GSG1L: variants seen among roughly 807,000 people sequenced by gnomAD.
The protein encoded by GSG1L is GSG1 like, also known as germ cell-specific gene 1-like protein.
Under a neutral mutation model 42.1 loss-of-function variants are expected in GSG1L, and 24 were observed. The ratio of observed to expected loss-of-function variants is 0.57; its 90% CI spans 0.41 to 0.80. The LOEUF is 0.80. Ranked by LOEUF, GSG1L falls within the 30% of genes least tolerant of loss-of-function variation. The pLI, the probability that GSG1L is intolerant of heterozygous loss-of-function variation, is 0.00. For synonymous variants in GSG1L, 215 were observed against 203.5 expected (o/e 1.06, Z -0.48); for missense variants, 445 against 472.2 (o/e 0.94, Z 0.53).
chr16:28,031,178 G>T, intron 1 of GSG1L, among the ~76,000 whole-genome samples: 1 of 146,958 alleles, frequency 6.8e-6, no homozygotes, highest in Non-Finnish European at 1.5e-5. Flanking sequence ...GGAATGGGAT[G>T]GGATGGTTTG....
intron 6 of GSG1L, among the ~76,000 whole-genome samples, chr16:27,796,477 G>A (rs2082819282): frequency 6.6e-6 from 1 of 152,210 alleles, no homozygotes; most frequent in Admixed American, 6.5e-5. Context: ...TTGCCTTTGA[G>A]GCATGTGTCA....
chr16:27,976,153 T>C (rs908575162), intron 1 of GSG1L, among the ~76,000 whole-genome samples: 1 of 152,126 alleles, frequency 6.6e-6, no homozygotes, highest in African/African-American at 2.4e-5. Context: ...TGCACGCCTG[T>C]AATCCCGGCT....
chr16:27,859,841 AT>A (rs576791634), intron 3 of GSG1L, among the ~76,000 whole-genome samples: 154 of 141,634 alleles, frequency 1.1e-3, no homozygotes, highest in South Asian at 2.3e-3. Flanking sequence ...ATGCCCAGCT[AT>A]TTTTTTTTTT....
intron 1 of GSG1L, among the ~76,000 whole-genome samples, chr16:27,970,174 TGAC>T (rs900171663): frequency 2.0e-5 from 3 of 152,248 alleles, no homozygotes; most frequent in Non-Finnish European, 4.4e-5. Context: ...ACTTTCTTGA[TGAC>T]ATCCTTTGAA....
chr16:27,854,959 TACCCC>T (rs2083558734), intron 3 of GSG1L, among the ~76,000 whole-genome samples: 1 of 152,170 alleles, frequency 6.6e-6, no homozygotes, highest in Non-Finnish European at 1.5e-5. Context: ...TCTACATTTC[TACCCC>T]AGAAATTCAC....
At chr16:28,011,974 T>A (rs555698134) in intron 1 of GSG1L, among the ~76,000 whole-genome samples, 3 of 151,808 alleles carry the variant, frequency 2.0e-5, no homozygotes, top group Non-Finnish European at 4.4e-5. Context: ...TGACCTAGGG[T>A]GACATTCTAA....
Position 27,790,349 on chromosome 16 carries a change from T to C in GSG1L, c.*1021A>G, listed in dbSNP as rs1280048755. ...AATTCTTCTGGGAAGGAATAAGGCCTCTTGGGAAATGACTGAACTTGGAGT... is the reference window on the plus strand; with the variant it reads ...AATTCTTCTGGGAAGGAATAAGGCCCCTTGGGAAATGACTGAACTTGGAGT... On this transcript the variant is annotated 3_prime_UTR_variant, in exon 7 of 7. Coordinates refer to ENST00000447459, the MANE Select transcript of GSG1L (RefSeq NM_001109763.2). The C allele has an allele frequency of 6.6e-6, 1 of 152,218 alleles. No homozygotes were observed. Among genetic ancestry groups the C allele is most frequent in the Non-Finnish European group, 1.5e-5 (1 of 68,032 alleles). The allele number at this position is 152,218 out of a possible 1,614,324, so 9.4% of individuals were successfully genotyped here. A position where few individuals can be genotyped will look rare whatever the true frequency, so the allele number is the denominator to read the frequency against.
chr16:28,027,546 G>A (rs1293632613), intron 1 of GSG1L, among the ~76,000 whole-genome samples: 2 of 152,182 alleles, frequency 1.3e-5, no homozygotes, highest in African/African-American at 4.8e-5. Flanking sequence ...AATGTGACTG[G>A]TACAAATGAG....
At chr16:28,023,011 G>T (rs205378) in intron 1 of GSG1L, among the ~76,000 whole-genome samples, 32,128 of 151,860 alleles carry the variant, frequency 0.21, 3,798 homozygotes, top group South Asian at 0.48. Context: ...AATATATATA[G>T]AGAGATGAGG....
intron 6 of GSG1L, among the ~76,000 whole-genome samples, chr16:27,792,678 G>C (rs1325905392): frequency 6.6e-6 from 1 of 152,128 alleles, no homozygotes; most frequent in Non-Finnish European, 1.5e-5. Flanking sequence ...CACTCTGCCA[G>C]CATCACCCCC....
chr16:27,957,308 C>T (rs2085017589), intron 2 of GSG1L, among the ~76,000 whole-genome samples: 1 of 152,222 alleles, frequency 6.6e-6, no homozygotes, highest in Non-Finnish European at 1.5e-5. Flanking sequence ...GATCACACTA[C>T]TGCACTCCAG....
chr16:27,883,636 A>G (rs2083989758), intron 3 of GSG1L, among the ~76,000 whole-genome samples: 1 of 152,188 alleles, frequency 6.6e-6, no homozygotes, highest in African/African-American at 2.4e-5. Flanking sequence ...ATAGGATTAA[A>G]TTTATAGAAA....
intron 6 of GSG1L, among the ~76,000 whole-genome samples, chr16:27,799,013 C>T (rs2082851547): frequency 6.6e-6 from 1 of 152,126 alleles, no homozygotes; most frequent in South Asian, 2.1e-4. Flanking sequence ...TACTGGTGAC[C>T]TACTGTGTGC....
intron 1 of GSG1L, among the ~76,000 whole-genome samples, chr16:28,054,849 A>G (rs907910960): frequency 2.0e-5 from 3 of 152,064 alleles, no homozygotes; most frequent in Non-Finnish European, 4.4e-5. Context: ...TTTGCTGCCA[A>G]ATGTGAACAA....
At chr16:27,847,845 G>T (rs1011762914) in intron 3 of GSG1L, among the ~76,000 whole-genome samples, 7 of 152,176 alleles carry the variant, frequency 4.6e-5, no homozygotes, top group Admixed American at 1.3e-4. Flanking sequence ...TGCTGTGATT[G>T]TAAGTTTCCT....
At chr16:27,811,678 T>G (rs139157298) in intron 5 of GSG1L, among the ~76,000 whole-genome samples, 169 of 152,356 alleles carry the variant, frequency 1.1e-3, no homozygotes, top group African/African-American at 4.0e-3. Flanking sequence ...AGACGGAGTC[T>G]CGCTCTGTCG....
At chr16:27,997,553 T>C (rs1049711394) in intron 1 of GSG1L, among the ~76,000 whole-genome samples, 1 of 151,990 alleles carries the variant, frequency 6.6e-6, no homozygotes, top group African/African-American at 2.4e-5. Context: ...CATATCAAAA[T>C]CCTTAATGTA....
chr16:28,011,520 C>T (rs936938282), intron 1 of GSG1L, among the ~76,000 whole-genome samples: 27 of 152,228 alleles, frequency 1.8e-4, no homozygotes, highest in African/African-American at 5.3e-4. Flanking sequence ...TCGAGTCAGT[C>T]GTGGCCATGT....
intron 2 of GSG1L, among the ~76,000 whole-genome samples, chr16:27,926,452 T>G (rs572081657): frequency 1.2e-4 from 18 of 151,972 alleles, no homozygotes; most frequent in African/African-American, 4.3e-4. Flanking sequence ...GTGGATCACC[T>G]GAGGTCAGGA....
Sources: allele counts gnomAD v4.1 joint callset (sites outside exome capture counted in the v4.1 genomes callset), GRCh38; gene constraint gnomAD v4.1.1; transcripts MANE v1.5; gene names NCBI Gene and HGNC (gene_info 2026-07-23, HGNC 2026-07-21).